The following MGAT4C variants were observed in gnomAD, a reference collection of about 807,000 sequenced individuals.
The protein encoded by MGAT4C is MGAT4 family member C.
MGAT4C carries 19 observed loss-of-function variants against 40.1 expected under a neutral mutation model. The observed-to-expected ratio is 0.47, with a 90% CI of 0.33 to 0.70. The LOEUF is 0.70. Ranked by LOEUF, MGAT4C falls within the 30% of genes least tolerant of loss-of-function variation. MGAT4C has a pLI of 0.02. For missense variants in MGAT4C, 491 were observed against 563.2 expected, an observed-to-expected ratio of 0.87 and a Z score of 1.30; for synonymous variants, 181 against 187.1, an observed-to-expected ratio of 0.97 and a Z score of 0.27.
At chr12:86,699,550 C>T (rs1195204457) in intron 2 of MGAT4C, among the ~76,000 whole-genome samples, 1 of 151,764 alleles carries the variant, frequency 6.6e-6, no homozygotes, top group Non-Finnish European at 1.5e-5. Flanking sequence ...TGAGATTGAC[C>T]CTTGAACAAC....
At chr12:86,256,413 ATG>A (rs1285754420), upstream of MGAT4C, 1 of 152,168 alleles carries the variant, frequency 6.6e-6, no homozygotes, top group East Asian at 1.9e-4. Context: ...CAGCTGTTCT[ATG>A]TACTCTGACT....
At chr12:86,790,822 G>T (rs1952009122) in intron 1 of MGAT4C, among the ~76,000 whole-genome samples, 1 of 151,930 alleles carries the variant, frequency 6.6e-6, no homozygotes, top group Non-Finnish European at 1.5e-5. Context: ...CTAACTCTAG[G>T]TTCAGTTATA....
chr12:86,245,607 T>A (rs1278495856), intron 1 of MGAT4C, among the ~76,000 whole-genome samples: 1 of 152,178 alleles, frequency 6.6e-6, no homozygotes, highest in African/African-American at 2.4e-5. Flanking sequence ...CTAGGCATAG[T>A]ATTGTGCCCA....
At chr12:86,761,657 A>C (rs1593181271) in intron 1 of MGAT4C, among the ~76,000 whole-genome samples, 1 of 152,104 alleles carries the variant, frequency 6.6e-6, no homozygotes, top group African/African-American at 2.4e-5. Context: ...CTCTCATGGG[A>C]GAATTAATTT....
intron 1 of MGAT4C, among the ~76,000 whole-genome samples, chr12:86,098,709 G>A (rs1327556400): frequency 4.6e-5 from 7 of 151,554 alleles, no homozygotes; most frequent in Non-Finnish European, 3.0e-5. Flanking sequence ...TACTATGCAT[G>A]TGTGTATGTG....
intron 1 of MGAT4C, among the ~76,000 whole-genome samples, chr12:86,809,438 A>T (rs1952427850): frequency 6.6e-6 from 1 of 152,002 alleles, no homozygotes; most frequent in Admixed American, 6.6e-5. Context: ...TTATATGTTT[A>T]CTTTTACAAG....
chr12:86,701,221 C>G (rs1950357603), intron 2 of MGAT4C, among the ~76,000 whole-genome samples: 1 of 152,028 alleles, frequency 6.6e-6, no homozygotes, highest in African/African-American at 2.4e-5. Context: ...CTTCACTTCA[C>G]TTGTAGATGT....
At position 86,247,085 on chromosome 12, in the gene MGAT4C, C is replaced by A. The variant is rs548057827; in HGVS notation, c.-57+9154G>T. Among the ~76,000 whole-genome samples, 314 of 152,218 alleles carry A rather than the reference C, an allele frequency of 2.1e-3. 1 individual carries two copies. Among genetic ancestry groups the A allele is most frequent in the Middle Eastern group, 3.4e-3 (1 of 294 alleles). ...ATATCCTTCAACTATCTGTGTGTTA[C>A]AAATGACCATTAGGATACAATATTT... On this transcript the variant is annotated intron_variant, in intron 1 of 4. Transcript: ENST00000611864.
intron 3 of MGAT4C, among the ~76,000 whole-genome samples, chr12:86,431,684 A>C (rs1302702977): frequency 1.3e-5 from 2 of 152,194 alleles, no homozygotes; most frequent in Non-Finnish European, 1.5e-5. Context: ...AGTATACTGT[A>C]GAGTATCAAT....
chr12:86,574,118 G>C (rs1173533346), intron 2 of MGAT4C, among the ~76,000 whole-genome samples: 2 of 150,748 alleles, frequency 1.3e-5, no homozygotes, highest in Non-Finnish European at 3.0e-5. Context: ...CCCTCTAAAT[G>C]ACCCCATTTT....
chr12:86,229,195 G>A (rs1020662630), intron 1 of MGAT4C, among the ~76,000 whole-genome samples: 7 of 151,698 alleles, frequency 4.6e-5, no homozygotes, highest in African/African-American at 1.7e-4. Flanking sequence ...AATGATATAG[G>A]TAATTGCATT....
intron 1 of MGAT4C, among the ~76,000 whole-genome samples, chr12:86,195,697 T>C (rs888823084): frequency 6.6e-6 from 1 of 152,176 alleles, no homozygotes; most frequent in Non-Finnish European, 1.5e-5. Flanking sequence ...ATATCATATA[T>C]GTATCTCTCA....
At chr12:86,008,754 A>C (rs999916852) in intron 2 of MGAT4C, among the ~76,000 whole-genome samples, 7 of 152,134 alleles carry the variant, frequency 4.6e-5, no homozygotes, top group Admixed American at 3.9e-4. Context: ...TTACAGATGC[A>C]CCTTATCACA....
chr12:86,775,065 G>A (rs1951728486), intron 1 of MGAT4C, among the ~76,000 whole-genome samples: 1 of 152,068 alleles, frequency 6.6e-6, no homozygotes, highest in Admixed American at 6.5e-5. Context: ...AAAGCAACAG[G>A]CCTTTAGTAA....
chr12:86,508,525 G>T (rs1196442606), intron 2 of MGAT4C, among the ~76,000 whole-genome samples: 11 of 152,182 alleles, frequency 7.2e-5, no homozygotes, highest in Admixed American at 5.9e-4. Flanking sequence ...ACATACGTGT[G>T]CATGTGTCTT....
chr12:86,618,300 A>C (rs1311685098), intron 2 of MGAT4C, among the ~76,000 whole-genome samples: 2 of 152,220 alleles, frequency 1.3e-5, no homozygotes, highest in Non-Finnish European at 2.9e-5. Context: ...TAAAACTAGC[A>C]CAAGATAGAA....
Position 85,965,812 on chromosome 12 carries a change from A to G in MGAT4C, c.*13477T>C, listed in dbSNP as rs953084302. On this transcript the variant is annotated 3_prime_UTR_variant, in exon 5 of 5. Transcript: ENST00000611864. ...TTCTGTCCAAGTCTCTGAGTCATGTACAGAACTCAAATTATTACATCATTT... is the reference window on the plus strand; with the variant it reads ...TTCTGTCCAAGTCTCTGAGTCATGTGCAGAACTCAAATTATTACATCATTT... The G allele has an allele frequency of 2.0e-5, 3 of 152,058 alleles. No homozygotes were observed. Among genetic ancestry groups the G allele is most frequent in the Non-Finnish European group, 4.4e-5 (3 of 67,994 alleles). 9.4% of individuals were successfully genotyped at this position (152,058 alleles called of 1,614,324 possible). A position where few individuals can be genotyped will look rare whatever the true frequency, so the allele number is the denominator to read the frequency against.
At chr12:86,198,848 A>G (rs191529759) in intron 1 of MGAT4C, among the ~76,000 whole-genome samples, 39 of 152,274 alleles carry the variant, frequency 2.6e-4, no homozygotes, top group African/African-American at 9.4e-4. Context: ...TATGTCACTA[A>G]AACTGTTGCA....
chr12:86,637,687 A>G (rs1410141371), intron 2 of MGAT4C, among the ~76,000 whole-genome samples: 1 of 151,886 alleles, frequency 6.6e-6, no homozygotes, highest in Non-Finnish European at 1.5e-5. Flanking sequence ...TTCATTTCCT[A>G]TGATTATCGA....
Sources: gnomAD v4.1 joint callset for allele counts (sites outside exome capture counted in the v4.1 genomes callset) on GRCh38, gnomAD v4.1.1 for gene constraint, MANE v1.5 for transcripts, NCBI Gene and HGNC (gene_info 2026-07-23, HGNC 2026-07-21) for gene names.